The following CMTR2 variants were observed in gnomAD, a reference collection of about 807,000 sequenced individuals.
CMTR2 encodes cap-specific mRNA (nucleoside-2'-O-)-methyltransferase 2.
Under a neutral mutation model 49.8 loss-of-function variants are expected in CMTR2, and 40 were observed. That is an observed-to-expected ratio of 0.80 (90% confidence interval 0.62 to 1.04). The LOEUF (loss-of-function observed/expected upper bound fraction) is 1.04, where lower values mean the gene tolerates loss of function less well. Among genes scored for constraint, CMTR2 ranks in the 50% least tolerant of loss-of-function variants. The pLI is 0.00. For missense variants in CMTR2, 907 were observed against 897.2 expected, an observed-to-expected ratio of 1.01 and a Z score of -0.14; for synonymous variants, 326 against 315.8, an observed-to-expected ratio of 1.03 and a Z score of -0.34.
Position 71,284,368 on chromosome 16 carries a change from GT to G in CMTR2, c.1552del (p.Thr518LeufsTer10). On this transcript the variant is annotated frameshift_variant, in exon 3 of 3. Coordinates refer to ENST00000434935, the MANE Select transcript of CMTR2 (RefSeq NM_018348.6). LOFTEE classifies it high-confidence loss of function. ...TGACTTTTCAATTGCTTCATTAAGA[GT>G]TTTTAAAATTTCACCATTGCAAAAA... ...SPFCNGEILK[T>X]LNEAIEKSLG... The G allele has an allele frequency of 6.2e-7, 1 of 1,613,330 alleles. No homozygotes were observed. The highest frequency in any genetic ancestry group is 8.5e-7 in the Non-Finnish European group (1 of 1,179,804).
Position 71,284,980 on chromosome 16 carries a change from T to C in CMTR2, c.941A>G (p.Tyr314Cys), listed in dbSNP as rs1307587019. Residue 314 changes from tyrosine (Y) to cysteine (C), a missense_variant, in exon 3 of 3, where the codon TAT becomes TGT. Coordinates refer to ENST00000434935, the MANE Select transcript of CMTR2 (RefSeq NM_018348.6). ...CCCCTTATAGTGGAGGCAAACCACA[T>C]AGACTTCGGAGTTTCCTGCCTTGCT... ...ATSKAGNSEV[Y>C]VVCLHYKGRE... The C allele has an allele frequency of 3.7e-6, 6 of 1,614,136 alleles. No homozygotes were observed. Among genetic ancestry groups the C allele is most frequent in the East Asian group, 2.2e-5 (1 of 44,890 alleles).
chr16:71,284,930 A>T lies in CMTR2; in HGVS notation c.991T>A (p.Ser331Thr). The T allele has an allele frequency of 6.2e-7, 1 of 1,614,154 alleles. No individual in the cohort carries two copies. The highest frequency in any genetic ancestry group is 1.3e-5 in the African/African-American group (1 of 75,048). Residue 331 changes from serine (S) to threonine (T), a missense_variant, in exon 3 of 3, where the codon TCT becomes ACT. Coordinates refer to ENST00000434935, the MANE Select transcript of CMTR2 (RefSeq NM_018348.6). The stretch of plus-strand genomic sequence containing the variant: ...GTCCCAAAATTCAAGGTCATCTTAG[A>T]TAACAGAGGATGGATGGCCTCTCTC... ...KGREAIHPLL[S>T]KMTLNFGTEM...
In CMTR2 at chr16:71,289,301, G is replaced by C. The variant is rs553317252; in HGVS notation, c.-245C>G. On this transcript the variant is annotated 5_prime_UTR_variant, in exon 1 of 3. Coordinates refer to ENST00000434935, the MANE Select transcript of CMTR2 (RefSeq NM_018348.6). ...GGCAGGGAGATGGTGCGCCGGACTG[G>C]GGGGAAGGCTGTCCGGACCCGCCCT... 15 of 152,364 alleles carry C rather than the reference G, an allele frequency of 9.8e-5. 1 individual carries two copies. The South Asian group carries it at 1.2e-3, about 13-fold the overall frequency. 9.4% of individuals were successfully genotyped at this position (152,364 alleles called of 1,614,324 possible). A position where few individuals can be genotyped will look rare whatever the true frequency, so the allele number is the denominator to read the frequency against.
At position 71,283,853 on chromosome 16, in the gene CMTR2, C is replaced by T. The variant is rs1226965636; in HGVS notation, c.2068G>A (p.Gly690Ser). ...LRTCAVLLCV[G>S]YQDLPNPVFR... ...ACTGGATTTGGAAGGTCCTGATAAC[C>T]AACACATAGCAGGACTGCGCAGGTC... Residue 690 changes from glycine (G) to serine (S), a missense_variant, in exon 3 of 3, where the codon GGT becomes AGT. By Grantham distance (56) the Gly-to-Ser change is moderately conservative (BLOSUM62 0). Coordinates refer to ENST00000434935, the MANE Select transcript of CMTR2 (RefSeq NM_018348.6). 6.2e-7 allele frequency: 1 copy of T among 1,613,816 alleles called. No individual in the cohort carries two copies. The highest frequency in any genetic ancestry group is 8.5e-7 in the Non-Finnish European group (1 of 1,179,860).
At position 71,284,287 on chromosome 16, in the gene CMTR2, C is replaced by A. The variant is rs778262150; in HGVS notation, c.1634G>T (p.Cys545Phe). The A allele has an allele frequency of 6.2e-7, 1 of 1,614,010 alleles. No homozygotes were observed. The highest frequency in any genetic ancestry group is 1.7e-5 in the Admixed American group (1 of 60,000). Residue 545 changes from cysteine to phenylalanine, a missense_variant, in exon 3 of 3, where the codon TGT (cysteine) becomes TTT (phenylalanine). Transcript: ENST00000434935. ...TTCTTCAGAAAAAACATGACAAGAA[C>A]AAGAATACTGCTGTTTTGGCCTAAA... ...SKFRPKQQYS[C>F]SCHVFSEELI... is the part of the protein sequence containing the mutation.
upstream of CMTR2, chr16:71,289,663 A>AGGGGGGGGGGGAGGGGGG (rs1259857977): frequency 8.5e-5 from 1 of 11,752 alleles, no homozygotes; most frequent in African/African-American, 3.8e-4. Flanking sequence ...GGGGAGGGGG[A>AGGGGGGGGGGGAGGGGGG]GGGAGGGAAG....
Position 71,283,954 on chromosome 16 carries a change from G to C in CMTR2, c.1967C>G (p.Ala656Gly). 6.2e-7 allele frequency: 1 copy of C among 1,614,000 alleles called. No individual in the cohort carries two copies. Among genetic ancestry groups the C allele is most frequent in the Non-Finnish European group, 8.5e-7 (1 of 1,179,914 alleles). Residue 656 changes from alanine to glycine, a missense_variant, in exon 3 of 3, where the codon GCT (alanine) becomes GGT (glycine). Coordinates refer to ENST00000434935, the MANE Select transcript of CMTR2 (RefSeq NM_018348.6). ...PVLSCFTRFM[A>G]GLIFVLHSCF... ...ACTGTGGAGTACAAAGATCAAACCA[G>C]CCATAAATCTTGTGAAGCAAGAAAG...
At position 71,285,764 on chromosome 16, in the gene CMTR2, A is replaced by G. The variant is rs1319465911; in HGVS notation, c.157T>C (p.Phe53Leu). Residue 53 changes from phenylalanine to leucine, a missense_variant, in exon 3 of 3, where the codon TTC (phenylalanine) becomes CTC (leucine). Physicochemically the swap from Phe to Leu is conservative, Grantham distance 22 (BLOSUM62 0). Transcript: ENST00000434935. ...EWQLPDPSEI[F>L]TCDHTELNAF... ...TTAAGTTCAGTGTGGTCACAGGTGA[A>G]AATCTCACTGGGATCTGGTAACTGC... The G allele has an allele frequency of 1.9e-6, 3 of 1,614,058 alleles. No homozygotes were observed. Among genetic ancestry groups the G allele is most frequent in the Non-Finnish European group, 2.5e-6 (3 of 1,179,972 alleles).
chr16:71,285,280 T>G lies in CMTR2; in HGVS notation c.641A>C (p.Lys214Thr). Residue 214 changes from lysine (K) to threonine (T), a missense_variant, in exon 3 of 3, where the codon AAA (lysine) becomes ACA (threonine). Coordinates refer to ENST00000434935, the MANE Select transcript of CMTR2 (RefSeq NM_018348.6). Reference sequence around the variant, plus strand: ...GAAATTCTGAAGTCCAGTCAAGAATTTCAGGGTCATGATATCACCAGTGTT... The same window carrying G: ...GAAATTCTGAAGTCCAGTCAAGAATGTCAGGGTCATGATATCACCAGTGTT... ...PDNTGDIMTL[K>T]FLTGLQNFIS... 1 of 1,614,120 alleles carries G rather than the reference T, an allele frequency of 6.2e-7. No individual in the cohort carries two copies. The highest frequency in any genetic ancestry group is 8.5e-7 in the Non-Finnish European group (1 of 1,179,986).
Position 71,284,889 on chromosome 16 carries a change from T to C in CMTR2, c.1032A>G (p.Lys344=), listed in dbSNP as rs2041688605. 1.9e-6 allele frequency: 3 copies of C among 1,614,112 alleles called. No homozygotes were observed. The highest frequency in any genetic ancestry group is 2.7e-5 in the African/African-American group (2 of 75,074). The change falls in exon 3 of 3, where the codon AAA becomes AAG. Residue 344 remains lysine (K), a synonymous_variant. Coordinates refer to ENST00000434935, the MANE Select transcript of CMTR2 (RefSeq NM_018348.6). ...TLNFGTEMKR[K]ALFPHHVIPD... is the part of the protein sequence containing the mutation. ...GAATCACATGATGGGGAAAAAGGGC[T>C]TTCCTTTTCATTTCAGTCCCAAAAT...
Position 71,284,413 on chromosome 16 carries a change from G to C in CMTR2, c.1508C>G (p.Pro503Arg), listed in dbSNP as rs138858702. ...LWHILEGKKLPKVKCSPFCNG... is the reference protein window; with the variant it reads ...LWHILEGKKLRKVKCSPFCNG... ...GCAAAAAGGAGAACATTTTACCTTT[G>C]GCAGTTTCTTTCCCTCCAAAATATG... Residue 503 changes from proline to arginine, a missense_variant, in exon 3 of 3, where the codon CCA (proline) becomes CGA (arginine). By Grantham distance (103) the Pro-to-Arg change is moderately radical. Transcript: ENST00000434935. 101 of 1,613,658 alleles carry C rather than the reference G, an allele frequency of 6.3e-5. No homozygotes were observed. The highest frequency in any genetic ancestry group is 2.7e-4 in the Admixed American group (16 of 60,010).
chr16:71,286,450 T>C (rs1598119023), intron 2 of CMTR2: 1 of 152,452 alleles, frequency 6.6e-6, no homozygotes, highest in Admixed American at 6.5e-5. Flanking sequence ...TTTTCGTTTT[T>C]TTTTTTTTTA....
upstream of CMTR2, chr16:71,289,613 A>G (rs2041803265): frequency 7.9e-6 from 1 of 126,352 alleles, no homozygotes; most frequent in South Asian, 2.9e-4. Context: ...TCCGTCCCGA[A>G]GAGGGGTGAA....
chr16:71,287,325 TCTTA>T (rs1286228579), intron 2 of CMTR2: 4 of 152,242 alleles, frequency 2.6e-5, no homozygotes, highest in Non-Finnish European at 4.4e-5. Context: ...TTTCATTCTT[TCTTA>T]TTTTGTTTAA....
intron 2 of CMTR2, 196 bp downstream of exon 2, chr16:71,288,682 T>C (rs1598122790): frequency 6.6e-6 from 1 of 151,636 alleles, no homozygotes; most frequent in South Asian, 2.1e-4. Context: ...TTACAGCGTG[T>C]GTGGAAAAAT....
chr16:71,281,704 A>G lies in CMTR2; in HGVS notation c.*1904T>C, dbSNP rs2041613706. ...AGCAATTGATTCCAAAACCCACGTT[A>G]AAAAGCAAAATACATTTGAGAATAC... On this transcript the variant is annotated 3_prime_UTR_variant, in exon 3 of 3. Transcript: ENST00000434935. 6.6e-6 allele frequency: 1 copy of G among 152,006 alleles called. No individual in the cohort carries two copies. The highest frequency in any genetic ancestry group is 2.4e-5 in the African/African-American group (1 of 41,442). The allele number at this position is 152,006 out of a possible 1,614,324, so 9.4% of individuals were successfully genotyped here.
Position 71,283,492 on chromosome 16 carries a change from G to A in CMTR2, c.*116C>T. On this transcript the variant is annotated 3_prime_UTR_variant, in exon 3 of 3. Transcript: ENST00000434935. ...TTCCAGAATTAATGAGACTTTGAAT[G>A]ATGCAAATGTTGGCCTTTCCCCAAA... 1 of 1,205,200 alleles carries A rather than the reference G, an allele frequency of 8.3e-7. No homozygotes were observed. Among genetic ancestry groups the A allele is most frequent in the Non-Finnish European group, 1.1e-6 (1 of 875,418 alleles). The allele number at this position is 1,205,200 out of a possible 1,614,324, so 74.7% of individuals were successfully genotyped here.
At chr16:71,289,549 C>T (rs1445455158), upstream of CMTR2, 1 of 152,240 alleles carries the variant, frequency 6.6e-6, no homozygotes, top group Non-Finnish European at 1.5e-5. Flanking sequence ...CAGCCTCCCG[C>T]CCCCGGCCAC....
chr16:71,283,951 C>T lies in CMTR2; in HGVS notation c.1970G>A (p.Gly657Asp). ...ACAACTGTGGAGTACAAAGATCAAA[C>T]CAGCCATAAATCTTGTGAAGCAAGA... is the stretch of plus-strand genomic sequence containing the variant. The part of the protein sequence containing the change: ...VLSCFTRFMA[G>D]LIFVLHSCFR... The change falls in exon 3 of 3, where the codon GGT (glycine) becomes GAT (aspartate). Residue 657 changes from glycine (G) to aspartate (D), a missense_variant. Transcript: ENST00000434935. 2.5e-6 allele frequency: 4 copies of T among 1,613,996 alleles called. No individual in the cohort carries two copies. Among genetic ancestry groups the T allele is most frequent in the Non-Finnish European group, 2.5e-6 (3 of 1,179,922 alleles).
Sources: gnomAD v4.1 joint callset for allele counts on GRCh38, gnomAD v4.1.1 for gene constraint, MANE v1.5 for transcripts, NCBI Gene and HGNC (gene_info 2026-07-23, HGNC 2026-07-21) for gene names.